Variants in JAKMIP2 observed in about 807,000 individuals in gnomAD.
The protein encoded by JAKMIP2 is janus kinase and microtubule-interacting protein 2.
Under a neutral mutation model 115.0 loss-of-function variants are expected in JAKMIP2, and 25 were observed. The ratio of observed to expected loss-of-function variants is 0.22; its 90% CI spans 0.16 to 0.30. The LOEUF (loss-of-function observed/expected upper bound fraction) is 0.30. Ranked by LOEUF, JAKMIP2 falls within the 10% of genes least tolerant of loss-of-function variation. JAKMIP2 has a pLI of 1.00. For synonymous variants in JAKMIP2, 334 were observed against 343.6 expected (o/e 0.97, Z 0.31); for missense variants, 642 against 957.6 (o/e 0.67, Z 4.35).
In JAKMIP2 at chr5:147,620,742, T is replaced by A; in HGVS notation, c.2066A>T (p.Glu689Val). 6.2e-7 allele frequency: 1 copy of A among 1,612,242 alleles called. No homozygotes were observed. Among genetic ancestry groups the A allele is most frequent in the Non-Finnish European group, 8.5e-7 (1 of 1,178,516 alleles). The change falls in exon 18 of 22, where the codon GAA (glutamate) becomes GTA (valine). Residue 689 changes from glutamate to valine, a missense_variant and splice_region_variant. Physicochemically the swap from Glu to Val is moderately radical, Grantham distance 121. Transcript: ENST00000616793. Reference protein sequence around the residue: ...QKMMELESDMEQFCKIKGYLE... With the variant: ...QKMMELESDMVQFCKIKGYLE... ...ATAGCCTTTTATTTTGCAGAACTGTTCCTATAACAAAGGGCCATATTGATA... is the reference window on the plus strand; with the variant it reads ...ATAGCCTTTTATTTTGCAGAACTGTACCTATAACAAAGGGCCATATTGATA...
intron 20 of JAKMIP2, among the ~76,000 whole-genome samples, chr5:147,607,850 GA>G (rs1756108874): frequency 6.6e-6 from 1 of 152,222 alleles, no homozygotes; most frequent in African/African-American, 2.4e-5. Flanking sequence ...CTCTATTTCA[GA>G]ACTTCTTATT....
rs1476072046 is a variant in JAKMIP2 at position 147,720,641 on chromosome 5, T to C, written c.-148-48687A>G. Among the ~76,000 whole-genome samples the C allele has an allele frequency of 6.9e-4, 105 of 152,176 alleles. 5 individuals carry two copies. In the South Asian group the frequency reaches 0.021, roughly 30 times the overall value. ...TATCCTTTCTTCCAGTTGATGGCAT[T>C]GGCTCCTGAGGCTTCTGCATTCTTC... On this transcript the variant is annotated intron_variant, in intron 1 of 21. Transcript: ENST00000616793.
intron 1 of JAKMIP2, among the ~76,000 whole-genome samples, chr5:147,747,255 G>A (rs1434478710): frequency 1.3e-5 from 2 of 152,016 alleles, no homozygotes; most frequent in African/African-American, 4.8e-5. Flanking sequence ...GAAATGATCT[G>A]CTCTTCATTT....
chr5:147,747,060 C>T (rs1754372150), intron 1 of JAKMIP2, among the ~76,000 whole-genome samples: 1 of 152,128 alleles, frequency 6.6e-6, no homozygotes, highest in African/African-American at 2.4e-5. Flanking sequence ...GCTCGAATGT[C>T]TTTCACCCAC....
intron 5 of JAKMIP2, among the ~76,000 whole-genome samples, chr5:147,647,841 C>T (rs185674401): frequency 7.4e-4 from 112 of 152,188 alleles, no homozygotes; most frequent in African/African-American, 2.1e-3. Flanking sequence ...TTTTCAGAAA[C>T]GACATGTAGA....
At chr5:147,683,052 G>C (rs1335806670) in intron 1 of JAKMIP2, among the ~76,000 whole-genome samples, 2 of 152,224 alleles carry the variant, frequency 1.3e-5, no homozygotes, top group Non-Finnish European at 2.9e-5. Context: ...TGCAGAGTAA[G>C]AAGTGTCAAC....
intron 2 of JAKMIP2, 113 bp from the exon 3 acceptor site, chr5:147,661,558 T>G: frequency 3.5e-6 from 4 of 1,136,712 alleles, no homozygotes; most frequent in Non-Finnish European, 5.0e-6. Context: ...TCATCTCTTT[T>G]CCAATTCCAG....
chr5:147,632,663 C>T lies in JAKMIP2; in HGVS notation c.1776+17G>A, dbSNP rs1361938503. 2 of 1,443,506 alleles carry T rather than the reference C, an allele frequency of 1.4e-6. No homozygotes were observed. The highest frequency in any genetic ancestry group is 2.3e-5 in the South Asian group (2 of 85,636). 89.4% of individuals were successfully genotyped at this position (1,443,506 alleles called of 1,614,324 possible). A position where few individuals can be genotyped will look rare whatever the true frequency, so the allele number is the denominator to read the frequency against. Reference sequence around the variant, plus strand: ...TCATTACGATTATTTTTATTATTATCATCATCATTTCCTTACTTCTAGCTC... The same window carrying T: ...TCATTACGATTATTTTTATTATTATTATCATCATTTCCTTACTTCTAGCTC... On this transcript the variant is annotated intron_variant, in intron 13 of 21. Transcript: ENST00000616793.
At chr5:147,759,009 G>A (rs1452153985) in intron 1 of JAKMIP2, among the ~76,000 whole-genome samples, 1 of 151,942 alleles carries the variant, frequency 6.6e-6, no homozygotes, top group Non-Finnish European at 1.5e-5. Flanking sequence ...TTTTATTTTT[G>A]ATGATAAAGA....
At chr5:147,665,465 A>G (rs551792438) in intron 2 of JAKMIP2, among the ~76,000 whole-genome samples, 1 of 152,316 alleles carries the variant, frequency 6.6e-6, no homozygotes, top group South Asian at 2.1e-4. Context: ...GTCATCTTCA[A>G]TTTCTGCAGG....
At position 147,738,351 on chromosome 5, in the gene JAKMIP2, C is replaced by A. The variant is rs923786266; in HGVS notation, c.-149+44105G>T. Reference sequence around the variant, plus strand: ...GAGCTTTGAATTCCATATCTTCATCCGCTGTTCAACCAGTTTTGCTTGTGG... The same window carrying A: ...GAGCTTTGAATTCCATATCTTCATCAGCTGTTCAACCAGTTTTGCTTGTGG... On this transcript the variant is annotated intron_variant, in intron 1 of 21. Coordinates refer to ENST00000616793, the MANE Select transcript of JAKMIP2 (RefSeq NM_001270941.2). Among the ~76,000 whole-genome samples, 4 of 152,254 alleles carry A rather than the reference C, an allele frequency of 2.6e-5. No individual in the cohort carries two copies. The East Asian group carries it at 7.7e-4, about 29-fold the overall frequency.
At chr5:147,690,089 C>T (rs969653923) in intron 1 of JAKMIP2, among the ~76,000 whole-genome samples, 3 of 152,166 alleles carry the variant, frequency 2.0e-5, no homozygotes, top group Non-Finnish European at 4.4e-5. Flanking sequence ...GTGGCTCACA[C>T]CAGTAATCCC....
At position 147,587,208 on chromosome 5, in the gene JAKMIP2, T is replaced by C. The variant is rs1036087947; in HGVS notation, c.*4499A>G. The stretch of plus-strand genomic sequence containing the variant: ...ATATTGGAAGCATAAACTCATGACA[T>C]AAACAGTCATCTAAGATTTGCTTTG... On this transcript the variant is annotated 3_prime_UTR_variant, in exon 22 of 22. Transcript: ENST00000616793. 2.6e-5 allele frequency: 4 copies of C among 152,190 alleles called. No individual in the cohort carries two copies. The highest frequency in any genetic ancestry group is 5.9e-5 in the Non-Finnish European group (4 of 68,028). 9.4% of individuals were successfully genotyped at this position (152,190 alleles called of 1,614,324 possible). A position where few individuals can be genotyped will look rare whatever the true frequency, so the allele number is the denominator to read the frequency against.
chr5:147,780,589 A>C (rs1401046716), intron 1 of JAKMIP2, among the ~76,000 whole-genome samples: 1 of 152,196 alleles, frequency 6.6e-6, no homozygotes, highest in African/African-American at 2.4e-5. Context: ...TACTTCATAT[A>C]GTTGTTAAAA....
chr5:147,656,697 T>A (rs1758693358), intron 3 of JAKMIP2, among the ~76,000 whole-genome samples: 1 of 152,216 alleles, frequency 6.6e-6, no homozygotes, highest in Non-Finnish European at 1.5e-5. Context: ...TTAAGGTTAA[T>A]ATTGTTATAT....
At chr5:147,632,960 G>A (rs1757434754) in intron 12 of JAKMIP2, among the ~76,000 whole-genome samples, 182 bp from the exon 13 acceptor site, 1 of 152,142 alleles carries the variant, frequency 6.6e-6, no homozygotes, top group Non-Finnish European at 1.5e-5. Flanking sequence ...TCCTTCGGTT[G>A]AGTTTTTTGA....
At chr5:147,637,124 TAA>T in intron 10 of JAKMIP2, 76 bp from the exon 11 acceptor site, 2 of 798,406 alleles carry the variant, frequency 2.5e-6, no homozygotes, top group South Asian at 1.4e-5. Context: ...ACTCAACAAG[TAA>T]GAGAGAGAGA....
At chr5:147,715,174 A>C (rs1752924844) in intron 1 of JAKMIP2, among the ~76,000 whole-genome samples, 1 of 152,122 alleles carries the variant, frequency 6.6e-6, no homozygotes, top group African/African-American at 2.4e-5. Flanking sequence ...CTAAGTTAAT[A>C]GAAGAAATTG....
chr5:147,707,596 A>G (rs1191292317), intron 1 of JAKMIP2, among the ~76,000 whole-genome samples: 1 of 152,098 alleles, frequency 6.6e-6, no homozygotes, highest in Non-Finnish European at 1.5e-5. Context: ...TGAAATATGT[A>G]GCTACCAGTG....
Sources: gnomAD v4.1 joint callset for allele counts (sites outside exome capture counted in the v4.1 genomes callset) on GRCh38, gnomAD v4.1.1 for gene constraint, MANE v1.5 for transcripts, NCBI Gene and HGNC (gene_info 2026-07-23, HGNC 2026-07-21) for gene names.